The following MAGI2 variants were observed in gnomAD, a reference collection of about 807,000 sequenced individuals.
The protein encoded by MAGI2 is membrane associated guanylate kinase, WW and PDZ domain containing 2, also known as membrane-associated guanylate kinase, WW and PDZ domain-containing protein 2.
MAGI2 carries 35 observed loss-of-function variants against 133.3 expected under a neutral mutation model. The observed-to-expected ratio is 0.26, with a 90% CI of 0.20 to 0.35. The LOEUF is 0.35. Among genes scored for constraint, MAGI2 ranks in the 10% least tolerant of loss-of-function variants. The pLI, the probability that MAGI2 is intolerant of heterozygous loss-of-function variation, is 1.00. For synonymous variants in MAGI2, 729 were observed against 710.6 expected, an observed-to-expected ratio of 1.03 and a Z score of -0.41; for missense variants, 1,636 against 1,863.4, an observed-to-expected ratio of 0.88 and a Z score of 2.25.
chr7:78,801,988 T>C (rs1218415547), intron 2 of MAGI2, among the ~76,000 whole-genome samples: 1 of 152,158 alleles, frequency 6.6e-6, no homozygotes, highest in African/African-American at 2.4e-5. Context: ...TATAATGTCA[T>C]TTTACTACAT....
intron 2 of MAGI2, among the ~76,000 whole-genome samples, chr7:78,906,321 C>G (rs764524903): frequency 1.9e-4 from 29 of 152,336 alleles, no homozygotes; most frequent in Non-Finnish European, 3.7e-4. Flanking sequence ...TCTTCATTTT[C>G]TCTTCCGTTT....
At chr7:79,153,005 G>A (rs891667134) in intron 1 of MAGI2, among the ~76,000 whole-genome samples, 1 of 152,146 alleles carries the variant, frequency 6.6e-6, no homozygotes, top group African/African-American at 2.4e-5. Flanking sequence ...GGTATCATAA[G>A]CCTTTAGAAC....
At chr7:79,327,155 G>A (rs1193092234) in intron 1 of MAGI2, among the ~76,000 whole-genome samples, 5 of 152,120 alleles carry the variant, frequency 3.3e-5, no homozygotes, top group Non-Finnish European at 7.3e-5. Flanking sequence ...CTGACCAGCT[G>A]AAGGCCTCAA....
At chr7:79,316,697 C>T (rs1838750665) in intron 1 of MAGI2, among the ~76,000 whole-genome samples, 1 of 152,068 alleles carries the variant, frequency 6.6e-6, no homozygotes, top group Admixed American at 6.5e-5. Context: ...AGACCAATTC[C>T]GTCTCTTTTA....
chr7:78,828,452 A>C (rs1790859231), intron 2 of MAGI2, among the ~76,000 whole-genome samples: 1 of 152,176 alleles, frequency 6.6e-6, no homozygotes, highest in Non-Finnish European at 1.5e-5. Flanking sequence ...AACCAATCAA[A>C]ACATCAAAGA....
At position 78,251,170 on chromosome 7, in the gene MAGI2, T is replaced by G. The variant is rs373037062; in HGVS notation, c.2047+4773A>C. 6.6e-5 allele frequency among the ~76,000 whole-genome samples: 10 copies of G among 152,230 alleles called. No individual in the cohort carries two copies. The East Asian group carries it at 9.6e-4, about 15-fold the overall frequency. On this transcript the variant is annotated intron_variant, in intron 10 of 21. Transcript: ENST00000354212. ...CAATAGCTGCAGCAAAAACATTTGA[T>G]AAAAACCAAGACCTATTGATTATTT...
chr7:78,153,618 A>G (rs1159458009), intron 16 of MAGI2, among the ~76,000 whole-genome samples: 3 of 152,210 alleles, frequency 2.0e-5, no homozygotes, highest in Non-Finnish European at 4.4e-5. Flanking sequence ...AAGTGTTAGG[A>G]GCCATTTTCA....
chr7:78,536,000 C>A (rs1309726587), intron 3 of MAGI2, among the ~76,000 whole-genome samples: 45 of 151,142 alleles, frequency 3.0e-4, no homozygotes, highest in Admixed American at 2.8e-3. Flanking sequence ...CCTCTTCTCA[C>A]CAAATTATTC....
chr7:78,431,389 A>G (rs1342290288), intron 6 of MAGI2, among the ~76,000 whole-genome samples: 1 of 152,050 alleles, frequency 6.6e-6, no homozygotes, highest in Non-Finnish European at 1.5e-5. Context: ...TTGGTAACTC[A>G]CTTTTAAAAT....
intron 3 of MAGI2, among the ~76,000 whole-genome samples, chr7:78,586,205 A>G (rs1004506363): frequency 4.6e-5 from 7 of 152,204 alleles, no homozygotes; most frequent in African/African-American, 1.7e-4. Flanking sequence ...GCATTCAGCA[A>G]TGTTAGTTTC....
chr7:78,282,497 C>T (rs73150287), intron 9 of MAGI2, among the ~76,000 whole-genome samples: 30,291 of 151,982 alleles, frequency 0.2, 3,486 homozygotes, highest in South Asian at 0.35. Context: ...CATCAGAGAC[C>T]GTGTAGCCCA....
chr7:79,066,688 G>A lies in MAGI2; in HGVS notation c.302-59482C>T, dbSNP rs143181278. On this transcript the variant is annotated intron_variant, in intron 1 of 21. Coordinates refer to ENST00000354212, the MANE Select transcript of MAGI2 (RefSeq NM_012301.4). Reference sequence around the variant, plus strand: ...TTAGTCATTAAGTCTTTGCCCATGTGTATGTCCTGAATGGTATTGCCTAGA... The same window carrying A: ...TTAGTCATTAAGTCTTTGCCCATGTATATGTCCTGAATGGTATTGCCTAGA... Among the ~76,000 whole-genome samples the A allele has an allele frequency of 1.7e-3, 260 of 152,036 alleles. 3 individuals are homozygous for A. The highest frequency in any genetic ancestry group is 6.1e-3 in the African/African-American group (252 of 41,494).
At chr7:78,518,120 A>G (rs1584474414) in intron 4 of MAGI2, 2 of 152,172 alleles carry the variant, frequency 1.3e-5, no homozygotes, top group East Asian at 3.8e-4. Flanking sequence ...TTTAATGCTT[A>G]TACATGCACA....
chr7:78,704,777 T>TCTTTTTATTTTTC (rs1818441033), intron 2 of MAGI2, among the ~76,000 whole-genome samples: 1 of 117,970 alleles, frequency 8.5e-6, no homozygotes, highest in Non-Finnish European at 1.6e-5. Flanking sequence ...AGGCCATTAT[T>TCTTTTTATTTTTC]CTTTTTTTTT....
intron 3 of MAGI2, among the ~76,000 whole-genome samples, chr7:78,599,078 T>G (rs1804914562): frequency 6.6e-6 from 1 of 152,164 alleles, no homozygotes; most frequent in Non-Finnish European, 1.5e-5. Flanking sequence ...AAGATGCAGA[T>G]TTATCATTTA....
chr7:78,695,107 C>A (rs1454805373), intron 2 of MAGI2, among the ~76,000 whole-genome samples: 2 of 152,074 alleles, frequency 1.3e-5, no homozygotes, highest in Non-Finnish European at 2.9e-5. Context: ...TGCCTGTAGT[C>A]CCAGCTACTC....
At chr7:78,187,912 C>G (rs1397360485) in intron 12 of MAGI2, among the ~76,000 whole-genome samples, 1 of 152,170 alleles carries the variant, frequency 6.6e-6, no homozygotes, top group Admixed American at 6.6e-5. Flanking sequence ...ACATTGTCAA[C>G]TTGTGCAACC....
chr7:79,451,244 A>G (rs1849222684), intron 1 of MAGI2, among the ~76,000 whole-genome samples: 1 of 152,232 alleles, frequency 6.6e-6, no homozygotes, highest in Non-Finnish European at 1.5e-5. Flanking sequence ...ATTAAGTCCA[A>G]TTTAACAACG....
chr7:78,241,880 G>C (rs1279775179), intron 10 of MAGI2, among the ~76,000 whole-genome samples: 1 of 151,686 alleles, frequency 6.6e-6, no homozygotes, highest in African/African-American at 2.4e-5. Context: ...GCTGCAGTGA[G>C]CCGAGATCAT....
Sources: allele counts gnomAD v4.1 joint callset (sites outside exome capture counted in the v4.1 genomes callset), GRCh38; gene constraint gnomAD v4.1.1; transcripts MANE v1.5; gene names NCBI Gene and HGNC (gene_info 2026-07-23, HGNC 2026-07-21).